IQGAP2: variants seen among roughly 807,000 people sequenced by gnomAD.
IQGAP2 encodes the protein IQ motif containing GTPase activating protein 2, also known as ras GTPase-activating-like protein IQGAP2.
IQGAP2 carries 173 observed loss-of-function variants against 201.3 expected under a neutral mutation model. The observed-to-expected ratio is 0.86, with a 90% CI of 0.76 to 0.98. The LOEUF (loss-of-function observed/expected upper bound fraction) is 0.98, where lower values mean the gene tolerates loss of function less well. IQGAP2 is among the 50% of genes least tolerant of loss of function. The pLI is 0.00. For missense variants in IQGAP2, 1,687 were observed against 1,864.8 expected (o/e 0.90, Z 1.76); for synonymous variants, 675 against 673.9 (o/e 1.00, Z -0.03).
chr5:76,701,027 C>T (rs1460647528), intron 33 of IQGAP2, 49 bp from the exon 34 acceptor site: 2 of 1,601,210 alleles, frequency 1.2e-6, no homozygotes, highest in African/African-American at 2.7e-5. Flanking sequence ...TACCAGAAGC[C>T]TCTGCATTTG....
chr5:76,653,477 C>T (rs189080496), intron 18 of IQGAP2, among the ~76,000 whole-genome samples: 11 of 152,218 alleles, frequency 7.2e-5, no homozygotes, highest in Non-Finnish European at 1.0e-4. Flanking sequence ...ATCTTTCAGG[C>T]CAGGCTTAGT....
chr5:76,458,641 C>T (rs1004202866), intron 1 of IQGAP2, among the ~76,000 whole-genome samples: 6 of 152,132 alleles, frequency 3.9e-5, no homozygotes, highest in Non-Finnish European at 8.8e-5. Context: ...TGGGTATGTA[C>T]AAGGAAGTCC....
chr5:76,583,493 C>A (rs1746019218), intron 5 of IQGAP2, among the ~76,000 whole-genome samples: 1 of 151,874 alleles, frequency 6.6e-6, no homozygotes, highest in Non-Finnish European at 1.5e-5. Context: ...AGAAACTATA[C>A]AATATTTTTT....
At chr5:76,687,217 A>G (rs58875870) in intron 30 of IQGAP2, among the ~76,000 whole-genome samples, 2 of 152,204 alleles carry the variant, frequency 1.3e-5, no homozygotes, top group Admixed American at 6.5e-5. Context: ...TCCTCTTGGC[A>G]TACTGTGAGA....
chr5:76,598,034 T>A (rs78115482), intron 10 of IQGAP2, among the ~76,000 whole-genome samples: 4,224 of 152,276 alleles, frequency 0.028, 182 homozygotes, highest in African/African-American at 0.096. Context: ...CTTGTGCACC[T>A]TAATATGACA....
At chr5:76,417,677 C>T (rs1751489171) in intron 1 of IQGAP2, among the ~76,000 whole-genome samples, 1 of 152,060 alleles carries the variant, frequency 6.6e-6, no homozygotes, top group East Asian at 1.9e-4. Flanking sequence ...GCCTCCTGGG[C>T]TTGGGCCATT....
Position 76,652,663 on chromosome 5 carries a change from G to A in IQGAP2, c.2095-87G>A, listed in dbSNP as rs962912245. On this transcript the variant is annotated intron_variant, in intron 17 of 35. Transcript: ENST00000274364. Reference sequence around the variant, plus strand: ...GCCTGACAGTGTCCCAGCTCCATGCGGCCTGAGATGTGCTCTGCTCTTGCA... The same window carrying A: ...GCCTGACAGTGTCCCAGCTCCATGCAGCCTGAGATGTGCTCTGCTCTTGCA... The A allele has an allele frequency of 7.5e-5, 69 of 925,316 alleles. No individual in the cohort carries two copies. In the African/African-American group the frequency reaches 9.4e-4, roughly 13 times the overall value. The allele number at this position is 925,316 out of a possible 1,614,324, so 57.3% of individuals were successfully genotyped here.
intron 14 of IQGAP2, among the ~76,000 whole-genome samples, chr5:76,629,132 T>C (rs1343117472): frequency 2.0e-5 from 3 of 152,220 alleles, no homozygotes; most frequent in African/African-American, 7.2e-5. Flanking sequence ...AATTTTGTAC[T>C]CTGTATTGCA....
At chr5:76,551,259 G>A (rs1047704149) in intron 2 of IQGAP2, among the ~76,000 whole-genome samples, 1 of 151,450 alleles carries the variant, frequency 6.6e-6, no homozygotes, top group South Asian at 2.1e-4. Context: ...CCCAGACGGG[G>A]CGGCGGGGCA....
intron 30 of IQGAP2, among the ~76,000 whole-genome samples, chr5:76,690,568 G>A (rs1746177671): frequency 6.6e-6 from 1 of 152,112 alleles, no homozygotes; most frequent in South Asian, 2.1e-4. Flanking sequence ...TCCTGTTTGA[G>A]AATGGAATGT....
rs376702111 is a variant in IQGAP2 at position 76,452,237 on chromosome 5, T to C, written c.47-9333T>C. Among the ~76,000 whole-genome samples, 66 of 151,122 alleles carry C rather than the reference T, an allele frequency of 4.4e-4. 1 individual carries two copies. The South Asian group carries it at 0.013, about 29-fold the overall frequency. ...GCCCTTGTTTTTTTCTTTTCTTTTT[T>C]TTTTTTTGTTTGTTTTTATTATACT... On this transcript the variant is annotated intron_variant, in intron 1 of 35. Coordinates refer to ENST00000274364, the MANE Select transcript of IQGAP2 (RefSeq NM_006633.5).
At chr5:76,477,213 C>T (rs185071316) in intron 2 of IQGAP2, among the ~76,000 whole-genome samples, 191 of 152,148 alleles carry the variant, frequency 1.3e-3, no homozygotes, top group Admixed American at 9.9e-3. Flanking sequence ...TGGTGGTGCA[C>T]GCCTGTAGTT....
chr5:76,689,011 TTCTTAGGAA>T lies in IQGAP2; in HGVS notation c.3906-4337_3906-4329del, dbSNP rs112089930. ...GAGGGCAAGGTCATTGTTCTTTGCA[TTCTTAGGAA>T]TCTTAGAATAAATAATGAGAATTAT... On this transcript the variant is annotated intron_variant, in intron 30 of 35. Transcript: ENST00000274364. Among the ~76,000 whole-genome samples the T allele has an allele frequency of 2.9e-3, 449 of 152,228 alleles. 2 individuals are homozygous for T. Among genetic ancestry groups the T allele is most frequent in the African/African-American group, 0.01 (424 of 41,538 alleles).
At chr5:76,650,669 A>G (rs1329144988) in intron 17 of IQGAP2, among the ~76,000 whole-genome samples, 2 of 152,184 alleles carry the variant, frequency 1.3e-5, no homozygotes, top group African/African-American at 2.4e-5. Flanking sequence ...CATGTGCACA[A>G]CGTGCAGGTT....
At chr5:76,425,395 G>A (rs922059765) in intron 1 of IQGAP2, among the ~76,000 whole-genome samples, 5 of 152,124 alleles carry the variant, frequency 3.3e-5, no homozygotes, top group African/African-American at 1.2e-4. Flanking sequence ...AGCTGTTAAT[G>A]TTGCCATTGC....
chr5:76,694,454 T>C (rs1041119522), intron 31 of IQGAP2, among the ~76,000 whole-genome samples: 8 of 152,236 alleles, frequency 5.3e-5, no homozygotes, highest in African/African-American at 1.2e-4. Flanking sequence ...GAACACAGAC[T>C]TCTGAGATCA....
At chr5:76,471,660 G>A (rs949275857) in intron 2 of IQGAP2, among the ~76,000 whole-genome samples, 1 of 152,012 alleles carries the variant, frequency 6.6e-6, no homozygotes. Flanking sequence ...AAATGTTTAA[G>A]CAAGTGAAAG....
chr5:76,588,925 G>A lies in IQGAP2; in HGVS notation c.478G>A (p.Gly160Arg), dbSNP rs375045201. The change falls in exon 6 of 36, where the codon GGA becomes AGA. Residue 160 changes from glycine (G) to arginine (R), a missense_variant. Physicochemically the swap from Gly to Arg is moderately radical, Grantham distance 125. Transcript: ENST00000274364. ...TTTCAGTTTGTATCTGTTCAAACTA[G>A]GAATAGCACCCCAGATCCAGGATTT... Reference protein sequence around the residue: ...HALSLYLFKLGIAPQIQDLLG... With the variant: ...HALSLYLFKLRIAPQIQDLLG... The A allele has an allele frequency of 6.2e-7, 1 of 1,607,112 alleles. No homozygotes were observed. Among genetic ancestry groups the A allele is most frequent in the Non-Finnish European group, 8.5e-7 (1 of 1,174,468 alleles).
chr5:76,645,828 TAAA>T (rs11320312), intron 17 of IQGAP2, among the ~76,000 whole-genome samples: 3 of 148,006 alleles, frequency 2.0e-5, no homozygotes, highest in Non-Finnish European at 3.0e-5. Flanking sequence ...CTTAGTATAT[TAAA>T]AAAAAAAAAA....
Sources: allele counts gnomAD v4.1 joint callset (sites outside exome capture counted in the v4.1 genomes callset), GRCh38; gene constraint gnomAD v4.1.1; transcripts MANE v1.5; gene names NCBI Gene and HGNC (gene_info 2026-07-23, HGNC 2026-07-21).